GARNL3: variants seen among roughly 807,000 people sequenced by gnomAD.
GARNL3 encodes GTPase activating Rap/RanGAP domain like 3, also known as GTPase-activating Rap/Ran-GAP domain-like protein 3.
In GARNL3, 63 loss-of-function variants were observed where a neutral mutation model predicts 125.0. That is an observed-to-expected ratio of 0.50 (90% CI 0.41 to 0.62). The LOEUF (loss-of-function observed/expected upper bound fraction) is 0.62. Among genes scored for constraint, GARNL3 ranks in the 20% least tolerant of loss-of-function variants. The probability of loss-of-function intolerance (pLI) is 0.00; values close to 1 mark genes in which losing one functional copy is unlikely to be tolerated. For missense variants in GARNL3, 994 were observed against 1,244.0 expected (o/e 0.80, Z 3.02); for synonymous variants, 439 against 457.5 (o/e 0.96, Z 0.52).
chr9:127,345,570 G>A (rs538147513), intron 16 of GARNL3, 93 bp downstream of exon 16: 4 of 834,106 alleles, frequency 4.8e-6, no homozygotes, highest in Admixed American at 5.0e-5. Context: ...GAGAGCAGAA[G>A]GAAGAAGAGC....
intron 1 of GARNL3, chr9:127,225,278 A>G (rs1373298729): frequency 1.1e-6 from 1 of 887,022 alleles, no homozygotes; most frequent in Admixed American, 6.3e-5. Flanking sequence ...AGCCCACCCG[A>G]GTGCGCCCGA....
In GARNL3 at chr9:127,364,592, CTG is replaced by C. The variant is rs1831182258; in HGVS notation, c.2095-707_2095-706del. The C allele has an allele frequency of 6.6e-6, 1 of 152,340 alleles. No homozygotes were observed. Among genetic ancestry groups the C allele is most frequent in the African/African-American group, 2.4e-5 (1 of 41,442 alleles). 9.4% of individuals were successfully genotyped at this position (152,340 alleles called of 1,614,324 possible). On this transcript the variant is annotated intron_variant, in intron 21 of 27. Transcript: ENST00000373387. The surrounding 1 kb of genome is among the most constrained non-coding windows in gnomAD (Gnocchi z 4.2). ...AGTGCCCTCCTCTCAAATGCAGAAA[CTG>C]AGGCCCAGAGAGAGGAGTTTGCCCC...
At chr9:127,344,470 T>C in intron 15 of GARNL3, 131 bp downstream of exon 15, 1 of 683,614 alleles carries the variant, frequency 1.5e-6, no homozygotes, top group Non-Finnish European at 2.6e-6. Context: ...AGGATTGTTG[T>C]GGCAACCACG....
intron 21 of GARNL3, 99 bp downstream of exon 21, chr9:127,357,476 T>C: frequency 8.7e-7 from 1 of 1,150,084 alleles, no homozygotes; most frequent in South Asian, 1.5e-5. Flanking sequence ...TCTTTAAAAT[T>C]ATGTACTATT....
intron 7 of GARNL3, among the ~76,000 whole-genome samples, chr9:127,325,820 C>G (rs2065552098): frequency 6.6e-6 from 1 of 152,194 alleles, no homozygotes; most frequent in African/African-American, 2.4e-5. Flanking sequence ...TCTCCTAACT[C>G]TTTTCCTGGC....
intron 22 of GARNL3, among the ~76,000 whole-genome samples, chr9:127,376,606 T>C (rs146625695): frequency 6.7e-6 from 1 of 149,428 alleles, no homozygotes; most frequent in Non-Finnish European, 1.5e-5. Flanking sequence ...TTCTTTCTTT[T>C]TTATGGGACG....
intron 1 of GARNL3, among the ~76,000 whole-genome samples, chr9:127,238,806 G>A (rs925565660): frequency 6.6e-5 from 10 of 152,046 alleles, no homozygotes; most frequent in African/African-American, 4.8e-5. Context: ...CCGGTGCTGC[G>A]TTTCTCATAG....
chr9:127,334,894 G>A (rs1490631255), intron 9 of GARNL3, among the ~76,000 whole-genome samples: 1 of 152,206 alleles, frequency 6.6e-6, no homozygotes, highest in Non-Finnish European at 1.5e-5. Flanking sequence ...GGACATAATT[G>A]TTTGTGTCAT....
intron 1 of GARNL3, among the ~76,000 whole-genome samples, chr9:127,273,645 A>G (rs538163080): frequency 6.6e-6 from 1 of 152,128 alleles, no homozygotes; most frequent in South Asian, 2.1e-4. Context: ...GCATTGATGG[A>G]CAGAGTGGAA....
intron 2 of GARNL3, among the ~76,000 whole-genome samples, chr9:127,297,982 ATC>A (rs1275438947): frequency 6.6e-6 from 1 of 152,184 alleles, no homozygotes; most frequent in African/African-American, 2.4e-5. Flanking sequence ...TTCCCAAACT[ATC>A]TGTTGAGCAT....
rs1008244291 is a variant in GARNL3 at position 127,364,180 on chromosome 9, G to A, written c.2095-1120G>A. 2 of 152,220 alleles carry A rather than the reference G, an allele frequency of 1.3e-5. No homozygotes were observed. The highest frequency in any genetic ancestry group is 2.9e-5 in the Non-Finnish European group (2 of 68,058). 9.4% of individuals were successfully genotyped at this position (152,220 alleles called of 1,614,324 possible). A position where few individuals can be genotyped will look rare whatever the true frequency, so the allele number is the denominator to read the frequency against. ...CTGAGAACAAACGACATAGTCTAGG[G>A]GCTGCAGCCCTGGGGAGAATGTGTG... On this transcript the variant is annotated intron_variant, in intron 21 of 27. Coordinates refer to ENST00000373387, the MANE Select transcript of GARNL3 (RefSeq NM_032293.5). This position sits in a 1 kb window ranked among gnomAD's most constrained non-coding sequence, Gnocchi z 4.2.
rs1410761969 is a variant in GARNL3, at chr9:127,342,311, G to C, written c.1228G>C (p.Asp410His). 6.2e-7 allele frequency: 1 copy of C among 1,611,166 alleles called. No homozygotes were observed. Among genetic ancestry groups the C allele is most frequent in the African/African-American group, 1.3e-5 (1 of 74,978 alleles). Residue 410 changes from aspartate (D) to histidine (H), a missense_variant, in exon 14 of 28, where the codon GAT becomes CAT. Physicochemically the swap from Asp to His is moderately conservative, Grantham distance 81. Around this residue, in one of 5 missense-constraint regions of GARNL3, gnomAD observed 728 missense variants for 865.7 expected, o/e 0.84. Transcript: ENST00000373387. ...TATGTTGATTAGATCTTTACACCAG[G>C]ATTTGATGCCAGATTTGCATAAGGT... ...LDMLIRSLHQ[D>H]LMPDLHKNML... is the part of the protein sequence containing the mutation.
chr9:127,344,216 A>C lies in GARNL3; in HGVS notation c.1252-19A>C, dbSNP rs755410774. 2.6e-6 allele frequency: 4 copies of C among 1,538,508 alleles called. No individual in the cohort carries two copies. The highest frequency in any genetic ancestry group is 3.4e-4 in the Middle Eastern group (2 of 5,836). ...TTAACAACTGTTTGTGGAATTCATA[A>C]CTTGTTTTTCTTTTTTAGAACATGC... is the stretch of plus-strand genomic sequence containing the variant. On this transcript the variant is annotated intron_variant, in intron 14 of 27. Coordinates refer to ENST00000373387, the MANE Select transcript of GARNL3 (RefSeq NM_032293.5).
At chr9:127,360,646 G>C (rs1588931322) in intron 21 of GARNL3, among the ~76,000 whole-genome samples, 1 of 152,184 alleles carries the variant, frequency 6.6e-6, no homozygotes, top group Non-Finnish European at 1.5e-5. Flanking sequence ...CAGGGCAGTG[G>C]GGACAGGAGA....
At chr9:127,387,659 C>T (rs937290073) in intron 25 of GARNL3, among the ~76,000 whole-genome samples, 4 of 150,980 alleles carry the variant, frequency 2.6e-5, no homozygotes, top group African/African-American at 9.8e-5. Flanking sequence ...AGGAGAATCA[C>T]TTGACCCTGG....
intron 1 of GARNL3, among the ~76,000 whole-genome samples, chr9:127,285,415 C>G (rs955048789): frequency 6.6e-6 from 1 of 152,160 alleles, no homozygotes; most frequent in African/African-American, 2.4e-5. Flanking sequence ...AAGAGTGAAA[C>G]TCGCTTTTCT....
chr9:127,235,384 CTG>C (rs1472655786), intron 1 of GARNL3, among the ~76,000 whole-genome samples: 1 of 151,648 alleles, frequency 6.6e-6, no homozygotes, highest in African/African-American at 2.4e-5. Flanking sequence ...TTTAATGTAA[CTG>C]TGAATCACAG....
chr9:127,373,090 T>C (rs1220307210), intron 22 of GARNL3, among the ~76,000 whole-genome samples: 1 of 152,226 alleles, frequency 6.6e-6, no homozygotes, highest in Non-Finnish European at 1.5e-5. Flanking sequence ...AACTTCCTAC[T>C]TTCTTAGAAC....
At chr9:127,332,389 G>C in intron 8 of GARNL3, 40 bp downstream of exon 8, 1 of 1,518,554 alleles carries the variant, frequency 6.6e-7, no homozygotes, top group Non-Finnish European at 9.1e-7. Flanking sequence ...CAGAGACCCT[G>C]TCCTGCCTTG....
Sources: gnomAD v4.1 joint callset for allele counts (sites outside exome capture counted in the v4.1 genomes callset) on GRCh38, gnomAD v4.1.1 for gene constraint, gnomAD v4.1.1 regional missense constraint, Gnocchi (gnomAD v3.1) non-coding constraint, MANE v1.5 for transcripts, NCBI Gene and HGNC (gene_info 2026-07-23, HGNC 2026-07-21) for gene names.